TOP6BL: variants seen among roughly 807,000 people sequenced by gnomAD.
The protein encoded by TOP6BL is TOP6B like initiator of meiotic double strand breaks.
At chr11:66,788,336 A>C in the TOP6BL span, 2 of 1,191,518 alleles carry the variant, frequency 1.7e-6, no homozygotes, top group Non-Finnish European at 2.4e-6. Flanking sequence ...ATCTAATAAC[A>C]AGAAAGAAAA....
the TOP6BL span, among the ~76,000 whole-genome samples, chr11:66,792,152 T>G: frequency 6.6e-6 from 1 of 152,140 alleles, no homozygotes; most frequent in African/African-American, 2.4e-5. Flanking sequence ...AAAAGGGTCC[T>G]CTAACCCCTT....
the TOP6BL span, among the ~76,000 whole-genome samples, chr11:66,784,255 G>C: frequency 6.6e-6 from 1 of 151,958 alleles, no homozygotes. Context: ...GGATGGTCTC[G>C]ATCTCCTGAC....
chr11:66,811,663 T>C, the TOP6BL span, among the ~76,000 whole-genome samples: 2 of 152,248 alleles, frequency 1.3e-5, no homozygotes, highest in Non-Finnish European at 2.9e-5. Context: ...TGAATTGTTA[T>C]AATATCATTT....
the TOP6BL span, among the ~76,000 whole-genome samples, chr11:66,799,964 C>T: frequency 9.2e-4 from 139 of 151,728 alleles, 1 homozygote; most frequent in African/African-American, 3.3e-3. Context: ...GCCTGTGGTC[C>T]CAACTACTCA....
chr11:66,768,253 GT>G, the TOP6BL span, among the ~76,000 whole-genome samples: 900 of 146,224 alleles, frequency 6.2e-3, 2 homozygotes, highest in Non-Finnish European at 9.3e-3. Flanking sequence ...ACGTAATCAA[GT>G]TTTTTTTTTT....
chr11:66,828,152 A>C, the TOP6BL span: 1 of 665,260 alleles, frequency 1.5e-6, no homozygotes, highest in Non-Finnish European at 2.6e-6. Context: ...TCTTAACTTT[A>C]ATGGCTTGCC....
At chr11:66,745,935 C>G in the TOP6BL span, among the ~76,000 whole-genome samples, 12 of 152,142 alleles carry the variant, frequency 7.9e-5, 1 homozygote, top group East Asian at 3.9e-4. Context: ...CTCAGCCTCC[C>G]GAGTAGCTGG....
At chr11:66,838,260 G>A in the TOP6BL span, 3 of 866,680 alleles carry the variant, frequency 3.5e-6, no homozygotes, top group Admixed American at 2.1e-5. Flanking sequence ...TTCCAGGTGA[G>A]GGCAGATAAC....
the TOP6BL span, chr11:66,816,343 C>T: frequency 3.1e-6 from 3 of 965,732 alleles, no homozygotes; most frequent in Non-Finnish European, 4.4e-6. Flanking sequence ...ATAAAATGAA[C>T]ATATCCTATA....
the TOP6BL span, chr11:66,804,291 T>C: frequency 2.0e-6 from 2 of 981,238 alleles, no homozygotes; most frequent in Non-Finnish European, 1.4e-6. Context: ...CATCTACAAA[T>C]ATATATGATT....
At chr11:66,803,103 A>G in the TOP6BL span, among the ~76,000 whole-genome samples, 3 of 152,178 alleles carry the variant, frequency 2.0e-5, no homozygotes, top group Non-Finnish European at 4.4e-5. Context: ...TGTTACTATC[A>G]AACAGCAACC....
At chr11:66,806,239 A>G in the TOP6BL span, among the ~76,000 whole-genome samples, 2 of 152,208 alleles carry the variant, frequency 1.3e-5, no homozygotes, top group African/African-American at 4.8e-5. Flanking sequence ...TCACTTAACC[A>G]GCCTAAGCCT....
At chr11:66,807,024 C>A in the TOP6BL span, among the ~76,000 whole-genome samples, 1 of 151,772 alleles carries the variant, frequency 6.6e-6, no homozygotes, top group Non-Finnish European at 1.5e-5. Flanking sequence ...ATTTTTTGTC[C>A]TCTTGGGGAA....
At chr11:66,794,669 G>A in the TOP6BL span, among the ~76,000 whole-genome samples, 1 of 152,024 alleles carries the variant, frequency 6.6e-6, no homozygotes, top group Admixed American at 6.6e-5. Context: ...ATATTTGTAG[G>A]GAAGTGTTTG....
At chr11:66,775,425 G>A in the TOP6BL span, among the ~76,000 whole-genome samples, 1 of 152,148 alleles carries the variant, frequency 6.6e-6, no homozygotes, top group Non-Finnish European at 1.5e-5. Flanking sequence ...AATATTGCCT[G>A]CTCTTCTCCT....
chr11:66,761,542 C>T, the TOP6BL span: 4 of 1,008,062 alleles, frequency 4.0e-6, no homozygotes, highest in African/African-American at 4.9e-5. Context: ...CCAAAGCCTG[C>T]CATAAAACTA....
chr11:66,843,220 A>G, the TOP6BL span: 2 of 1,610,228 alleles, frequency 1.2e-6, no homozygotes, highest in Non-Finnish European at 8.5e-7. Context: ...GCTGAGTCCC[A>G]GCCCTGGGCC....
At chr11:66,788,360 A>G in the TOP6BL span, 2 of 992,622 alleles carry the variant, frequency 2.0e-6, no homozygotes, top group East Asian at 2.6e-5. Flanking sequence ...TAGGTCCATC[A>G]AAGTTCCAAG....
chr11:66,797,235 G>A, the TOP6BL span, among the ~76,000 whole-genome samples: 1 of 151,322 alleles, frequency 6.6e-6, no homozygotes, highest in African/African-American at 2.4e-5. Flanking sequence ...CCTGACCTCA[G>A]GTGATCCACA....
Sources: allele counts gnomAD v4.1 joint callset (sites outside exome capture counted in the v4.1 genomes callset), GRCh38; gene constraint gnomAD v4.1.1; transcripts MANE v1.5; gene names NCBI Gene and HGNC (gene_info 2026-07-23, HGNC 2026-07-21).